SMURF1: variants seen among roughly 807,000 people sequenced by gnomAD.
The protein encoded by SMURF1 is SMAD specific E3 ubiquitin protein ligase 1.
A neutral mutation model predicts 98.0 loss-of-function variants in SMURF1; 44 were observed. That is an observed-to-expected ratio of 0.45 (90% CI 0.35 to 0.58). The LOEUF (loss-of-function observed/expected upper bound fraction) is 0.58. Among genes scored for constraint, SMURF1 ranks in the 20% least tolerant of loss-of-function variants. The pLI is 0.00. For synonymous variants in SMURF1, 396 were observed against 374.9 expected, an observed-to-expected ratio of 1.06 and a Z score of -0.65; for missense variants, 687 against 938.4, an observed-to-expected ratio of 0.73 and a Z score of 3.50.
At chr7:99,068,018 A>G (rs1796238334) in intron 1 of SMURF1, among the ~76,000 whole-genome samples, 1 of 152,204 alleles carries the variant, frequency 6.6e-6, no homozygotes, top group Non-Finnish European at 1.5e-5. Flanking sequence ...AAAACTTAGT[A>G]CTTTATTCAA....
intron 1 of SMURF1, among the ~76,000 whole-genome samples, chr7:99,140,855 C>T (rs1262287281): frequency 6.6e-6 from 1 of 151,628 alleles, no homozygotes; most frequent in Non-Finnish European, 1.5e-5. Context: ...CAAAAGTATT[C>T]AAATTTTGAA....
chr7:99,076,142 C>A (rs947803581), intron 1 of SMURF1, among the ~76,000 whole-genome samples: 9 of 152,112 alleles, frequency 5.9e-5, no homozygotes, highest in Non-Finnish European at 1.2e-4. Context: ...TGGGCTCAAG[C>A]GATCCTCCAG....
At chr7:99,137,189 G>A (rs1228809350) in intron 1 of SMURF1, among the ~76,000 whole-genome samples, 2 of 152,004 alleles carry the variant, frequency 1.3e-5, no homozygotes, top group Non-Finnish European at 2.9e-5. Context: ...TGGCTATTTA[G>A]GAATAAGACA....
At chr7:99,038,321 C>T in intron 14 of SMURF1, 67 bp downstream of exon 14, 1 of 1,578,476 alleles carries the variant, frequency 6.3e-7, no homozygotes, top group Non-Finnish European at 8.6e-7. Flanking sequence ...AGCGAAGGAG[C>T]TACAGCAACT....
chr7:99,054,826 G>A lies in SMURF1; in HGVS notation c.443C>T (p.Ser148Leu), dbSNP rs1176938946. The change falls in exon 6 of 18, where the codon TCG (serine) becomes TTG (leucine). Residue 148 changes from serine to leucine, a missense_variant. Ser to Leu is a moderately radical substitution (Grantham distance 145). This residue lies in a region of SMURF1 where 415 missense variants were observed against 508.4 expected (regional missense o/e 0.82). Coordinates refer to ENST00000361368, the MANE Select transcript of SMURF1 (RefSeq NM_181349.3). ...TAACAGTCCTCTGCAGTCCACCACC[G>A]AGCCGCCGGTTCCTATTCTGTCTCG... ...QTRDRIGTGG[S>L]VVDCRGLLEN... is the part of the protein sequence containing the mutation. The A allele has an allele frequency of 1.9e-6, 3 of 1,614,036 alleles. No individual in the cohort carries two copies. The highest frequency in any genetic ancestry group is 2.5e-6 in the Non-Finnish European group (3 of 1,180,022).
At chr7:99,069,313 C>G (rs571168467) in intron 1 of SMURF1, among the ~76,000 whole-genome samples, 3 of 152,238 alleles carry the variant, frequency 2.0e-5, no homozygotes, top group African/African-American at 7.2e-5. Flanking sequence ...GCTTTGTTCC[C>G]CAGCTAAGTT....
intron 1 of SMURF1, among the ~76,000 whole-genome samples, chr7:99,119,422 T>C (rs10272937): frequency 0.088 from 13,445 of 152,144 alleles, 1,903 homozygotes; most frequent in African/African-American, 0.3. Flanking sequence ...CATTATATAA[T>C]GAAAATATGC....
Position 99,114,557 on chromosome 7 carries a change from G to A in SMURF1, c.55+29169C>T, listed in dbSNP as rs187216340. ...AGGGAGAAATAGCTCTACAATAATT[G>A]TTGGAGACAGCAATACTCCATTTTC... On this transcript the variant is annotated intron_variant, in intron 1 of 17. Coordinates refer to ENST00000361368, the MANE Select transcript of SMURF1 (RefSeq NM_181349.3). 5.3e-5 allele frequency among the ~76,000 whole-genome samples: 8 copies of A among 152,236 alleles called. No individual in the cohort carries two copies. The East Asian group carries it at 1.5e-3, about 29-fold the overall frequency.
At chr7:99,046,518 A>C (rs1315013879) in intron 10 of SMURF1, among the ~76,000 whole-genome samples, 1 of 152,108 alleles carries the variant, frequency 6.6e-6, no homozygotes, top group Non-Finnish European at 1.5e-5. Flanking sequence ...ACTTGAGGTC[A>C]GAAGTTCAAG....
intron 1 of SMURF1, among the ~76,000 whole-genome samples, chr7:99,070,959 A>ATG (rs1270632789): frequency 6.6e-6 from 1 of 152,126 alleles, no homozygotes; most frequent in Non-Finnish European, 1.5e-5. Flanking sequence ...ATATATATAT[A>ATG]TTCTGCAGGT....
chr7:99,052,135 A>AC (rs1795769049), intron 7 of SMURF1, 70 bp downstream of exon 7: 8 of 1,297,070 alleles, frequency 6.2e-6, no homozygotes, highest in African/African-American at 1.5e-5. Flanking sequence ...CTTGTCTCAA[A>AC]AAAAAAAAAA....
chr7:99,063,205 ATATAG>A, intron 1 of SMURF1, among the ~76,000 whole-genome samples: 1 of 128,944 alleles, frequency 7.8e-6, no homozygotes, highest in East Asian at 2.4e-4. Flanking sequence ...ATATATATTT[ATATAG>A]TCAAGATATA....
chr7:99,075,146 C>A (rs1234441399), intron 1 of SMURF1, among the ~76,000 whole-genome samples: 1 of 152,172 alleles, frequency 6.6e-6, no homozygotes, highest in East Asian at 1.9e-4. Flanking sequence ...GAGACAGGGT[C>A]TACACTCTGT....
rs182939221 is a variant in SMURF1, at chr7:99,033,420, C to T, written c.2012-299G>A. Among the ~76,000 whole-genome samples the T allele has an allele frequency of 9.5e-3, 1,449 of 152,306 alleles. 18 individuals carry two copies. Among genetic ancestry groups the T allele is most frequent in the Middle Eastern group, 0.024 (7 of 294 alleles). The stretch of plus-strand genomic sequence containing the variant: ...CTGACTGCCGGGTTCAAGCAATTCT[C>T]CTGCCTCCCGAGTAGCTGGGATAAC... On this transcript the variant is annotated intron_variant, in intron 16 of 17. Coordinates refer to ENST00000361368, the MANE Select transcript of SMURF1 (RefSeq NM_181349.3).
intron 13 of SMURF1, among the ~76,000 whole-genome samples, chr7:99,039,264 C>T (rs549912687): frequency 2.8e-4 from 42 of 148,748 alleles, no homozygotes; most frequent in Admixed American, 8.0e-4. Context: ...GGCATCAGTT[C>T]AAACACAAAA....
intron 1 of SMURF1, among the ~76,000 whole-genome samples, chr7:99,121,936 C>T (rs1188698022): frequency 6.6e-6 from 1 of 152,200 alleles, no homozygotes; most frequent in Non-Finnish European, 1.5e-5. Context: ...GTCTCCACTG[C>T]GCATCACCTT....
chr7:99,040,286 C>G, intron 13 of SMURF1, 92 bp downstream of exon 13: 1 of 1,236,302 alleles, frequency 8.1e-7, no homozygotes, highest in Non-Finnish European at 1.0e-6. Context: ...CCCCAAAATA[C>G]ACACACACGC....
intron 1 of SMURF1, among the ~76,000 whole-genome samples, chr7:99,109,411 A>C (rs922166147): frequency 6.6e-6 from 1 of 152,162 alleles, no homozygotes; most frequent in African/African-American, 2.4e-5. Flanking sequence ...CCACCAGGTC[A>C]CAAACCCTCC....
chr7:99,060,565 G>A (rs369922510), intron 3 of SMURF1, 34 bp downstream of exon 3: 48 of 1,482,914 alleles, frequency 3.2e-5, no homozygotes, highest in African/African-American at 9.9e-5. Flanking sequence ...CTTTCCTGCC[G>A]CTCCGCATGG....
Sources: allele counts gnomAD v4.1 joint callset (sites outside exome capture counted in the v4.1 genomes callset), GRCh38; gene constraint gnomAD v4.1.1; regional missense constraint gnomAD v4.1.1; transcripts MANE v1.5; gene names NCBI Gene and HGNC (gene_info 2026-07-23, HGNC 2026-07-21).